USP50: variants seen among roughly 807,000 people sequenced by gnomAD.
The protein encoded by USP50 is ubiquitin specific peptidase 50.
USP50 carries 37 observed loss-of-function variants against 39.2 expected under a neutral mutation model. The observed-to-expected ratio is 0.94, with a 90% confidence interval of 0.73 to 1.24. The LOEUF (loss-of-function observed/expected upper bound fraction) is 1.24, where lower values mean the gene tolerates loss of function less well. Ranked by LOEUF, USP50 falls within the 50% of genes most tolerant of loss-of-function variation. USP50 has a pLI of 0.00. For missense variants in USP50, 374 were observed against 398.2 expected, an observed-to-expected ratio of 0.94 and a Z score of 0.52; for synonymous variants, 139 against 144.5, an observed-to-expected ratio of 0.96 and a Z score of 0.27.
intron 6 of USP50, among the ~76,000 whole-genome samples, chr15:50,525,664 GTATA>G (rs1555395222): frequency 1.6e-4 from 7 of 44,886 alleles, no homozygotes; most frequent in African/African-American, 2.7e-4. Context: ...ATGTATATAT[GTATA>G]TGTATATATG....
At chr15:50,516,942 G>C in intron 6 of USP50, among the ~76,000 whole-genome samples, 1 of 152,096 alleles carries the variant, frequency 6.6e-6, no homozygotes, top group Non-Finnish European at 1.5e-5. Context: ...ATTAATATGA[G>C]AGGAGAGACT....
chr15:50,544,293 CA>C (rs2053053724), intron 2 of USP50, among the ~76,000 whole-genome samples: 1 of 151,866 alleles, frequency 6.6e-6, no homozygotes, highest in South Asian at 2.1e-4. Flanking sequence ...ACCCGAGGAA[CA>C]GAGGTTGCAG....
chr15:50,525,965 G>A (rs1002985388), intron 6 of USP50, among the ~76,000 whole-genome samples: 1 of 152,006 alleles, frequency 6.6e-6, no homozygotes, highest in Admixed American at 6.6e-5. Context: ...GAATACATGG[G>A]AATAATATAC....
At chr15:50,544,417 C>T (rs539198452) in intron 2 of USP50, among the ~76,000 whole-genome samples, 170 bp downstream of exon 2, 1 of 151,928 alleles carries the variant, frequency 6.6e-6, no homozygotes, top group East Asian at 1.9e-4. Flanking sequence ...GCATTCATTT[C>T]TTGGTTGCCC....
downstream of USP50, chr15:50,498,856 A>C: frequency 6.4e-7 from 1 of 1,558,666 alleles, no homozygotes; most frequent in Non-Finnish European, 8.7e-7. Context: ...TATTTTAAAT[A>C]ACAATTTTAA....
chr15:50,498,600 T>A (rs747898807), downstream of USP50: 5 of 1,607,098 alleles, frequency 3.1e-6, no homozygotes, highest in Admixed American at 8.5e-5. Flanking sequence ...CTGCAGTTTT[T>A]CCTACGATGG....
In USP50 at chr15:50,533,020, T is replaced by C. The variant is rs553124299; in HGVS notation, c.804-3091A>G. Among the ~76,000 whole-genome samples the C allele has an allele frequency of 2.0e-5, 3 of 152,126 alleles. No individual in the cohort carries two copies. The South Asian group carries it at 6.2e-4, about 32-fold the overall frequency. On this transcript the variant is annotated intron_variant, in intron 5 of 6. Coordinates refer to ENST00000532404, the MANE Select transcript of USP50 (RefSeq NM_203494.5). ...ACTGAAAAGAAGAAAGAAAAAAGAC[T>C]GGCCGGTCAGGCGCAGTGGCTCACG...
chr15:50,535,683 G>T (rs1485609610), intron 5 of USP50, among the ~76,000 whole-genome samples: 1 of 152,214 alleles, frequency 6.6e-6, no homozygotes, highest in African/African-American at 2.4e-5. Context: ...GGAAGCCAAG[G>T]TGGGAGAATC....
At chr15:50,524,430 C>A (rs2052872636) in intron 6 of USP50, among the ~76,000 whole-genome samples, 1 of 152,100 alleles carries the variant, frequency 6.6e-6, no homozygotes, top group Non-Finnish European at 1.5e-5. Flanking sequence ...AGCAAGAAAA[C>A]AAATAAGCTG....
chr15:50,535,430 T>C (rs1367839068), intron 5 of USP50, among the ~76,000 whole-genome samples: 1 of 152,246 alleles, frequency 6.6e-6, no homozygotes, highest in Non-Finnish European at 1.5e-5. Flanking sequence ...TTAGACCTTC[T>C]GGCCTAAGGT....
At chr15:50,515,042 GA>G (rs2052790527) in intron 6 of USP50, among the ~76,000 whole-genome samples, 1 of 119,496 alleles carries the variant, frequency 8.4e-6, no homozygotes, top group African/African-American at 3.1e-5. Flanking sequence ...TGAAGAAATA[GA>G]AATCTTGACT....
At chr15:50,499,639 G>T (rs2052541480), downstream of USP50, 2 of 151,730 alleles carry the variant, frequency 1.3e-5, no homozygotes, top group Admixed American at 1.3e-4. Context: ...GAAATGACAG[G>T]GCAAAGCAAT....
intron 1 of USP50, among the ~76,000 whole-genome samples, chr15:50,494,892 G>A (rs540303278): frequency 6.6e-6 from 1 of 152,040 alleles, no homozygotes; most frequent in Non-Finnish European, 1.5e-5. Flanking sequence ...GCATGTGCCT[G>A]TAATCCCAGC....
downstream of USP50, chr15:50,493,496 T>A (rs958364703): frequency 2.3e-5 from 12 of 518,666 alleles, no homozygotes; most frequent in Middle Eastern, 3.2e-4. Context: ...CTCACACTGG[T>A]AATCCTAGCA....
intron 6 of USP50, chr15:50,503,467 A>C (rs2052618353): frequency 1.3e-5 from 2 of 152,244 alleles, no homozygotes; most frequent in African/African-American, 4.8e-5. Flanking sequence ...GTAAAGTCTT[A>C]GGCCCCCCTA....
Position 50,501,302 on chromosome 15 carries a change from G to GA in USP50, c.937-466dup, listed in dbSNP as rs59352489. 6.1e-3 allele frequency: 659 copies of GA among 108,788 alleles called. 4 individuals carry two copies. Among genetic ancestry groups the GA allele is most frequent in the Middle Eastern group, 0.019 (4 of 210 alleles). The allele number at this position is 108,788 out of a possible 1,614,324, so 6.7% of individuals were successfully genotyped here. ...TAGCGAGACTCCATATCTTTTAAAGGAAAAAAAAAAAAAAAAAAAAGATGA... is the reference window on the plus strand; with the variant it reads ...TAGCGAGACTCCATATCTTTTAAAGGAAAAAAAAAAAAAAAAAAAAAGATGA... On this transcript the variant is annotated intron_variant, in intron 6 of 6. Coordinates refer to ENST00000532404, the MANE Select transcript of USP50 (RefSeq NM_203494.5).
At chr15:50,523,258 A>C (rs1024940757) in intron 6 of USP50, among the ~76,000 whole-genome samples, 1 of 143,114 alleles carries the variant, frequency 7.0e-6, no homozygotes, top group South Asian at 2.2e-4. Flanking sequence ...AGCTCACTGC[A>C]GCCTCAACCT....
At chr15:50,546,393 G>A (rs1266366841) in intron 1 of USP50, 80 bp downstream of exon 1, 14 of 1,463,250 alleles carry the variant, frequency 9.6e-6, no homozygotes, top group Non-Finnish European at 1.1e-5. Flanking sequence ...CCTGAATGCA[G>A]TGTGTGTCCC....
At chr15:50,523,131 C>G (rs1026114506) in intron 6 of USP50, among the ~76,000 whole-genome samples, 1 of 150,440 alleles carries the variant, frequency 6.6e-6, no homozygotes, top group African/African-American at 2.4e-5. Flanking sequence ...GAAATGAATT[C>G]CATAAAGTTG....
Sources: allele counts gnomAD v4.1 joint callset (sites outside exome capture counted in the v4.1 genomes callset), GRCh38; gene constraint gnomAD v4.1.1; transcripts MANE v1.5; gene names NCBI Gene and HGNC (gene_info 2026-07-23, HGNC 2026-07-21).